Variants in NBAS observed in about 807,000 individuals in gnomAD.
NBAS encodes the protein NBAS subunit of NRZ tethering complex, also known as NAG/BC035112 fusion.
A neutral mutation model predicts 302.5 loss-of-function variants in NBAS; 219 were observed. That is an observed-to-expected ratio of 0.72 (90% confidence interval 0.65 to 0.81). The LOEUF is 0.81. Among genes scored for constraint, NBAS ranks in the 30% least tolerant of loss-of-function variants. NBAS has a pLI of 0.00. For missense variants in NBAS, 2,932 were observed against 2,841.6 expected (o/e 1.03, Z -0.72); for synonymous variants, 1,118 against 1,021.6 (o/e 1.09, Z -1.80).
chr2:15,558,143 C>T (rs1664730915), intron 2 of NBAS, among the ~76,000 whole-genome samples: 1 of 152,190 alleles, frequency 6.6e-6, no homozygotes, highest in Non-Finnish European at 1.5e-5. Context: ...AACCTAGATC[C>T]CTCACACGTG....
At chr2:14,799,899 T>C in the NBAS span, among the ~76,000 whole-genome samples, 3 of 152,210 alleles carry the variant, frequency 2.0e-5, no homozygotes. Context: ...TTAGTGATAG[T>C]ATGGATTATC....
At chr2:15,195,428 G>T (rs1297974891) in intron 48 of NBAS, among the ~76,000 whole-genome samples, 1 of 152,160 alleles carries the variant, frequency 6.6e-6, no homozygotes, top group African/African-American at 2.4e-5. Flanking sequence ...ACTCTGAAAT[G>T]GGGGAAAGAT....
At chr2:15,308,720 G>A (rs1005817539) in intron 39 of NBAS, among the ~76,000 whole-genome samples, 3 of 152,164 alleles carry the variant, frequency 2.0e-5, no homozygotes, top group Admixed American at 6.5e-5. Flanking sequence ...GTGAGAGAGG[G>A]CATCCCTGTC....
rs1446844537 is a variant in NBAS at position 15,190,266 on chromosome 2, A to G, written c.6570T>C (p.Tyr2190=). The G allele has an allele frequency of 3.7e-6, 6 of 1,613,764 alleles. No homozygotes were observed. Among genetic ancestry groups the G allele is most frequent in the Non-Finnish European group, 5.1e-6 (6 of 1,179,848 alleles). The change falls in exon 49 of 52, where the codon TAT becomes TAC. Residue 2190 remains tyrosine, a splice_region_variant and synonymous_variant. Coordinates refer to ENST00000281513, the MANE Select transcript of NBAS (RefSeq NM_015909.4). ...GCTAATTTTATGTTAATACTTACAC[A>G]TATTCACTTTTCATAGGTGGCCAAG... The part of the protein sequence containing the change: ...LQAWPPMKSE[Y]VITNNPWVRL...
chr2:14,898,429 G>C, the NBAS span, among the ~76,000 whole-genome samples: 1 of 152,148 alleles, frequency 6.6e-6, no homozygotes, highest in Non-Finnish European at 1.5e-5. Context: ...AGAAAGGAGA[G>C]AGAAAGAGAG....
chr2:14,869,978 T>C, the NBAS span, among the ~76,000 whole-genome samples: 1 of 152,192 alleles, frequency 6.6e-6, no homozygotes, highest in African/African-American at 2.4e-5. Flanking sequence ...CTTCTGACCA[T>C]AATCAAGTAA....
At chr2:15,197,995 T>C (rs1036172496) in intron 48 of NBAS, among the ~76,000 whole-genome samples, 2 of 152,188 alleles carry the variant, frequency 1.3e-5, no homozygotes, top group African/African-American at 2.4e-5. Context: ...ATTATGGACA[T>C]TGGCAGTCTG....
chr2:15,160,060 G>C, the NBAS span, among the ~76,000 whole-genome samples: 1 of 152,148 alleles, frequency 6.6e-6, no homozygotes, highest in African/African-American at 2.4e-5. Context: ...GGATGTAAAA[G>C]GCTTTGATTA....
At chr2:14,790,203 A>C in the NBAS span, among the ~76,000 whole-genome samples, 163 of 152,336 alleles carry the variant, frequency 1.1e-3, 1 homozygote, top group African/African-American at 3.8e-3. Context: ...CTACCCACTT[A>C]CTGCTAACTT....
At chr2:14,998,135 A>G in the NBAS span, among the ~76,000 whole-genome samples, 18 of 152,322 alleles carry the variant, frequency 1.2e-4, no homozygotes, top group South Asian at 3.7e-3. Context: ...ACTTTCCTGC[A>G]GGACTCTGGG....
chr2:15,277,161 T>C, intron 42 of NBAS, 60 bp from the exon 43 acceptor site: 1 of 1,591,318 alleles, frequency 6.3e-7, no homozygotes, highest in African/African-American at 1.4e-5. Flanking sequence ...AAGTGATTTT[T>C]TTTTTAACCA....
rs374589509 is a variant in NBAS at position 15,213,850 on chromosome 2, C to T, written c.6432+4923G>A. Among the ~76,000 whole-genome samples, 21 of 152,268 alleles carry T rather than the reference C, an allele frequency of 1.4e-4. No individual in the cohort carries two copies. In the East Asian group the frequency reaches 2.1e-3, roughly 15 times the overall value. On this transcript the variant is annotated intron_variant, in intron 48 of 51. Coordinates refer to ENST00000281513, the MANE Select transcript of NBAS (RefSeq NM_015909.4). Reference sequence around the variant, plus strand: ...CAAATATTTGCAGGACCAATTAAAACGGATGTTCTGTCAACTTTAATCATT... The same window carrying T: ...CAAATATTTGCAGGACCAATTAAAATGGATGTTCTGTCAACTTTAATCATT...
chr2:14,996,302 G>A, the NBAS span, among the ~76,000 whole-genome samples: 1 of 152,214 alleles, frequency 6.6e-6, no homozygotes, highest in South Asian at 2.1e-4. Context: ...TCATCCTGAT[G>A]ACCCTCAGCT....
the NBAS span, among the ~76,000 whole-genome samples, chr2:15,034,367 A>G: frequency 6.6e-6 from 1 of 152,132 alleles, no homozygotes; most frequent in Non-Finnish European, 1.5e-5. Flanking sequence ...AAGGGCGAGC[A>G]GAAAGCTTCC....
At chr2:15,112,434 A>T in the NBAS span, among the ~76,000 whole-genome samples, 10,078 of 152,198 alleles carry the variant, frequency 0.066, 519 homozygotes, top group African/African-American at 0.14. Context: ...AAGATCCAAC[A>T]TACGTATAAT....
chr2:15,143,152 C>T, the NBAS span, among the ~76,000 whole-genome samples: 1 of 152,074 alleles, frequency 6.6e-6, no homozygotes, highest in Non-Finnish European at 1.5e-5. Flanking sequence ...CTTTTTGCCA[C>T]CTACAGGGCT....
At chr2:15,399,785 A>T (rs1676057382) in intron 26 of NBAS, among the ~76,000 whole-genome samples, 1 of 139,758 alleles carries the variant, frequency 7.2e-6, no homozygotes, top group Non-Finnish European at 1.6e-5. Flanking sequence ...ACAAAAAATG[A>T]AGATATTGAA....
intron 47 of NBAS, among the ~76,000 whole-genome samples, chr2:15,222,349 G>A (rs531622076): frequency 6.6e-6 from 1 of 152,262 alleles, no homozygotes; most frequent in Non-Finnish European, 1.5e-5. Context: ...GTCCTAACCA[G>A]TTTCACATAA....
rs544811289 is a variant in NBAS at position 15,488,753 on chromosome 2, T to C, written c.1083+141A>G. The C allele has an allele frequency of 4.1e-5, 44 of 1,075,302 alleles. No homozygotes were observed. In the East Asian group the frequency reaches 1.2e-3, roughly 28 times the overall value. 66.6% of individuals were successfully genotyped at this position (1,075,302 alleles called of 1,614,324 possible). On this transcript the variant is annotated intron_variant, in intron 12 of 51. Transcript: ENST00000281513. Reference sequence around the variant, plus strand: ...TTTTTAATTTATCCCACTGTACTGATATCATAATTTAAAGGATAGAAGAGC... The same window carrying C: ...TTTTTAATTTATCCCACTGTACTGACATCATAATTTAAAGGATAGAAGAGC...
Sources: gnomAD v4.1 joint callset for allele counts (sites outside exome capture counted in the v4.1 genomes callset) on GRCh38, gnomAD v4.1.1 for gene constraint, MANE v1.5 for transcripts, NCBI Gene and HGNC (gene_info 2026-07-23, HGNC 2026-07-21) for gene names.